The following FBXO4 variants were observed in gnomAD, a reference collection of about 807,000 sequenced individuals.
The protein encoded by FBXO4 is F-box protein 4.
FBXO4 carries 36 observed loss-of-function variants against 43.7 expected under a neutral mutation model. That is an observed-to-expected ratio of 0.82 (90% confidence interval 0.63 to 1.09). FBXO4 has a LOEUF of 1.09. Ranked by LOEUF, FBXO4 falls within the 50% of genes least tolerant of loss-of-function variation. The pLI, the probability that FBXO4 is intolerant of heterozygous loss-of-function variation, is 0.00. For missense variants in FBXO4, 435 were observed against 474.1 expected (o/e 0.92, Z 0.77); for synonymous variants, 180 against 165.6 (o/e 1.09, Z -0.67).
chr5:42,008,998 C>T, the FBXO4 span, among the ~76,000 whole-genome samples: 1 of 152,026 alleles, frequency 6.6e-6, no homozygotes, highest in South Asian at 2.1e-4. Context: ...GGAGATTATT[C>T]TATGTATGGT....
At chr5:42,001,565 C>T in the FBXO4 span, among the ~76,000 whole-genome samples, 1 of 152,164 alleles carries the variant, frequency 6.6e-6, no homozygotes, top group Admixed American at 6.5e-5. Context: ...TTATTTCTTT[C>T]ACAGTGTTTT....
At chr5:41,998,329 C>A in the FBXO4 span, among the ~76,000 whole-genome samples, 1 of 152,302 alleles carries the variant, frequency 6.6e-6, no homozygotes, top group East Asian at 1.9e-4. Context: ...GCTGCCCTCA[C>A]AAATCTATTT....
At chr5:41,957,297 A>G in the FBXO4 span, among the ~76,000 whole-genome samples, 1 of 151,606 alleles carries the variant, frequency 6.6e-6, no homozygotes, top group East Asian at 1.9e-4. Context: ...TTTCCTTTAC[A>G]GTTTTTTCTC....
the FBXO4 span, among the ~76,000 whole-genome samples, chr5:42,024,770 T>C: frequency 6.6e-6 from 1 of 151,868 alleles, no homozygotes; most frequent in Admixed American, 6.6e-5. Flanking sequence ...ATTGTTTTGA[T>C]TTTTAGATCC....
At position 41,934,206 on chromosome 5, in the gene FBXO4, G is replaced by A. The variant is rs532637639; in HGVS notation, c.796G>A (p.Asp266Asn). The change falls in exon 5 of 7, where the codon GAT becomes AAT. Residue 266 changes from aspartate to asparagine, a missense_variant. Coordinates refer to ENST00000281623, the MANE Select transcript of FBXO4 (RefSeq NM_012176.3). Reference sequence around the variant, plus strand: ...GATGTTCAGTCGACACAATGAAGGTGATGATCAACAAGGAAGCCGGTACAG... The same window carrying A: ...GATGTTCAGTCGACACAATGAAGGTAATGATCAACAAGGAAGCCGGTACAG... ...NKMFSRHNEG[D>N]DQQGSRYSVI... The A allele has an allele frequency of 2.8e-5, 46 of 1,614,132 alleles. No homozygotes were observed. The highest frequency in any genetic ancestry group is 2.8e-4 in the African/African-American group (21 of 75,046).
chr5:41,926,151 C>A (rs1035740381), intron 1 of FBXO4, among the ~76,000 whole-genome samples: 3 of 152,170 alleles, frequency 2.0e-5, no homozygotes, highest in African/African-American at 7.2e-5. Context: ...TTCTTTGTCT[C>A]ATTTGGACTA....
At position 41,939,815 on chromosome 5, in the gene FBXO4, A is replaced by G. The variant is rs555135966; in HGVS notation, c.1074+199A>G. Among the ~76,000 whole-genome samples the G allele has an allele frequency of 2.1e-4, 31 of 146,738 alleles. 1 individual carries two copies. Among genetic ancestry groups the G allele is most frequent in the Non-Finnish European group, 3.1e-4 (21 of 66,832 alleles). On this transcript the variant is annotated intron_variant, in intron 6 of 6. Coordinates refer to ENST00000281623, the MANE Select transcript of FBXO4 (RefSeq NM_012176.3). Reference sequence around the variant, plus strand: ...GTCTTACTTGCCTCTTCTCTCATACAGTGAGATAACAATTGGGGATTTTTT... The same window carrying G: ...GTCTTACTTGCCTCTTCTCTCATACGGTGAGATAACAATTGGGGATTTTTT...
chr5:42,033,076 G>T, the FBXO4 span, among the ~76,000 whole-genome samples: 2 of 152,120 alleles, frequency 1.3e-5, no homozygotes, highest in Non-Finnish European at 2.9e-5. Flanking sequence ...CTGTGGCTGA[G>T]CTGGTATCCA....
At chr5:41,934,086 CCTGTTTAGTGTCTTTTTATATT>C in intron 4 of FBXO4, 25 bp from the exon 5 acceptor site, 1 of 1,610,472 alleles carries the variant, frequency 6.2e-7, no homozygotes. Context: ...GTGAGTGGAG[CCTGTTTAGTGTCTTTTTATATT>C]CTGTCTTTAC....
chr5:42,022,914 C>A, the FBXO4 span, among the ~76,000 whole-genome samples: 5 of 152,004 alleles, frequency 3.3e-5, no homozygotes, highest in African/African-American at 1.2e-4. Context: ...GCAAGAAAGG[C>A]TCAGATTATT....
chr5:41,992,406 T>C, the FBXO4 span, among the ~76,000 whole-genome samples: 1 of 152,204 alleles, frequency 6.6e-6, no homozygotes, highest in African/African-American at 2.4e-5. Flanking sequence ...GTTTTTTCTA[T>C]TGGGAATCTT....
At chr5:42,028,659 A>G in the FBXO4 span, among the ~76,000 whole-genome samples, 8 of 150,064 alleles carry the variant, frequency 5.3e-5, no homozygotes, top group African/African-American at 2.0e-4. Flanking sequence ...TGGTGATATG[A>G]TTTATATTCT....
At chr5:42,011,944 C>A in the FBXO4 span, among the ~76,000 whole-genome samples, 3 of 152,040 alleles carry the variant, frequency 2.0e-5, no homozygotes, top group African/African-American at 7.3e-5. Flanking sequence ...CAATTAGATA[C>A]CTTTTTGTTC....
chr5:41,940,711 GGA>G lies in FBXO4; in HGVS notation c.1075-479_1075-478del, dbSNP rs142577278. ...TTTGTTCCCCTTCCATCTCTTCCCT[GGA>G]GCTCCAAAGACTCTTTGGAATGAAG... On this transcript the variant is annotated intron_variant, in intron 6 of 6. Transcript: ENST00000281623. Among the ~76,000 whole-genome samples the G allele has an allele frequency of 6.3e-3, 966 of 152,230 alleles. 9 individuals are homozygous for G. The highest frequency in any genetic ancestry group is 0.027 in the Middle Eastern group (8 of 294).
chr5:42,017,460 T>C, the FBXO4 span, among the ~76,000 whole-genome samples: 2 of 152,052 alleles, frequency 1.3e-5, no homozygotes, highest in Non-Finnish European at 2.9e-5. Flanking sequence ...ACCTTTATTT[T>C]AGCTTTGGAG....
At chr5:41,982,094 G>A in the FBXO4 span, among the ~76,000 whole-genome samples, 1 of 152,002 alleles carries the variant, frequency 6.6e-6, no homozygotes, top group Admixed American at 6.6e-5. Context: ...ATTTTTAATG[G>A]CTGCATAGTA....
the FBXO4 span, among the ~76,000 whole-genome samples, chr5:41,959,382 A>C: frequency 1.3e-5 from 2 of 151,892 alleles, no homozygotes; most frequent in Non-Finnish European, 2.9e-5. Context: ...TGTTTTGCGA[A>C]AGTTTTTCAC....
chr5:41,949,105 T>G, the FBXO4 span, among the ~76,000 whole-genome samples: 7 of 152,190 alleles, frequency 4.6e-5, no homozygotes, highest in Non-Finnish European at 8.8e-5. Flanking sequence ...ACAGCCTATA[T>G]CATACTGAAT....
At chr5:41,978,286 T>C in the FBXO4 span, among the ~76,000 whole-genome samples, 1 of 152,156 alleles carries the variant, frequency 6.6e-6, no homozygotes, top group Non-Finnish European at 1.5e-5. Context: ...GAAAAAAACA[T>C]CTTGCACCAG....
Sources: allele counts gnomAD v4.1 joint callset (sites outside exome capture counted in the v4.1 genomes callset), GRCh38; gene constraint gnomAD v4.1.1; transcripts MANE v1.5; gene names NCBI Gene and HGNC (gene_info 2026-07-23, HGNC 2026-07-21).